The following ZNF624 variants were observed in gnomAD, a reference collection of about 807,000 sequenced individuals.
ZNF624 encodes the protein zinc finger protein 624.
A neutral mutation model predicts 74.7 loss-of-function variants in ZNF624; 43 were observed. That is an observed-to-expected ratio of 0.58 (90% confidence interval 0.45 to 0.74). The LOEUF is 0.74. ZNF624 is among the 30% of genes least tolerant of loss of function. The pLI is 0.00. For missense variants in ZNF624, 820 were observed against 1,030.0 expected (o/e 0.80, Z 2.79); for synonymous variants, 331 against 341.3 (o/e 0.97, Z 0.33).
In ZNF624 at chr17:16,622,968, A is replaced by G; in HGVS notation, c.1918T>C (p.Tyr640His). 6.2e-7 allele frequency: 1 copy of G among 1,614,052 alleles called. No homozygotes were observed. Among genetic ancestry groups the G allele is most frequent in the South Asian group, 1.1e-5 (1 of 91,072 alleles). Residue 640 changes from tyrosine to histidine, a missense_variant, in exon 6 of 6, where the codon TAT becomes CAT. Transcript: ENST00000311331. ...HQKIHTGVKP[Y>H]KCYDCGKSFR... ...GACTTTCCACAGTCATAACATTTAT[A>G]GGGTTTCACTCCAGTATGAATTTTC...
At chr17:16,630,257 G>GA (rs1043444498) in intron 5 of ZNF624, among the ~76,000 whole-genome samples, 14 of 148,592 alleles carry the variant, frequency 9.4e-5, no homozygotes, top group East Asian at 5.9e-4. Context: ...GATATTTTTA[G>GA]AAAAAAAAAA....
In ZNF624 at chr17:16,649,740, G is replaced by A; in HGVS notation, c.5C>T (p.Ser2Phe). 1 of 1,613,044 alleles carries A rather than the reference G, an allele frequency of 6.2e-7. No individual in the cohort carries two copies. The highest frequency in any genetic ancestry group is 8.5e-7 in the Non-Finnish European group (1 of 1,179,120). MSLQDSTLSREG... is the reference protein window; with the variant it reads MFLQDSTLSREG... Reference sequence around the variant, plus strand: ...TCTGGAAAGAGTGGAGTCTTGCAAAGACATACCTAAGGAAGAGAAATAAGC... The same window carrying A: ...TCTGGAAAGAGTGGAGTCTTGCAAAAACATACCTAAGGAAGAGAAATAAGC... Residue 2 changes from serine (S) to phenylalanine (F), a missense_variant, in exon 2 of 6, where the codon TCT becomes TTT. Ser to Phe is a radical substitution (Grantham distance 155). Transcript: ENST00000311331.
Position 16,623,592 on chromosome 17 carries a change from T to G in ZNF624, c.1294A>C (p.Ser432Arg). The G allele has an allele frequency of 6.2e-7, 1 of 1,612,042 alleles. No individual in the cohort carries two copies. ...TCAGTGTGGGTCTTCTGATGTACAC[T>G]AAGATATGACTTGTTCCTAAAGGCT... ...GKAFRNKSYLSVHQKTHTEEK... is the reference protein window; with the variant it reads ...GKAFRNKSYLRVHQKTHTEEK... Residue 432 changes from serine to arginine, a missense_variant, in exon 6 of 6, where the codon AGT becomes CGT. Transcript: ENST00000311331. The surrounding 1 kb of genome is among the most constrained non-coding windows in gnomAD (Gnocchi z 5.3).
At chr17:16,625,892 T>C (rs186877323) in intron 5 of ZNF624, among the ~76,000 whole-genome samples, 1 of 152,290 alleles carries the variant, frequency 6.6e-6, no homozygotes, top group East Asian at 1.9e-4. Context: ...TATGCCTCAA[T>C]ATTTAAATAT....
intron 2 of ZNF624, 108 bp downstream of exon 2, chr17:16,649,550 G>T: frequency 1.0e-6 from 1 of 961,870 alleles, no homozygotes; most frequent in Non-Finnish European, 1.6e-6. Flanking sequence ...ATTTAGTTGA[G>T]TTCCCAGAAG....
chr17:16,649,720 A>T lies in ZNF624; in HGVS notation c.25T>A (p.Ser9Thr). 1.2e-6 allele frequency: 2 copies of T among 1,614,012 alleles called. No homozygotes were observed. Among genetic ancestry groups the T allele is most frequent in the Non-Finnish European group, 1.7e-6 (2 of 1,179,882 alleles). The change falls in exon 2 of 6, where the codon TCC (serine) becomes ACC (threonine). Residue 9 changes from serine to threonine, a missense_variant. By Grantham distance (58) the Ser-to-Thr change is moderately conservative (BLOSUM62 1). Coordinates refer to ENST00000311331, the MANE Select transcript of ZNF624 (RefSeq NM_020787.4). MSLQDSTL[S>T]REGKPEGEIM... ...TCTCCCTCTGGTTTCCCCTCTCTGG[A>T]AAGAGTGGAGTCTTGCAAAGACATA... is the stretch of plus-strand genomic sequence containing the variant.
intron 3 of ZNF624, among the ~76,000 whole-genome samples, chr17:16,640,699 C>T (rs72835919): frequency 0.073 from 11,168 of 152,164 alleles, 578 homozygotes; most frequent in Middle Eastern, 0.19. Flanking sequence ...ACTCAGTGTA[C>T]AGAAAATCTG....
intron 3 of ZNF624, among the ~76,000 whole-genome samples, chr17:16,640,698 A>G (rs1909447048): frequency 6.6e-6 from 1 of 152,230 alleles, no homozygotes; most frequent in South Asian, 2.1e-4. Flanking sequence ...GACTCAGTGT[A>G]CAGAAAATCT....
chr17:16,638,700 C>T lies in ZNF624; in HGVS notation c.154-3944G>A, dbSNP rs573813620. Among the ~76,000 whole-genome samples the T allele has an allele frequency of 8.7e-5, 13 of 149,236 alleles. No individual in the cohort carries two copies. The South Asian group carries it at 1.9e-3, about 22-fold the overall frequency. On this transcript the variant is annotated intron_variant, in intron 3 of 5. Coordinates refer to ENST00000311331, the MANE Select transcript of ZNF624 (RefSeq NM_020787.4). ...ACACAGGAAGGGGAACATCACACTCCGGGGGACTGTTGTGGGGTTGGGGGA... is the reference window on the plus strand; with the variant it reads ...ACACAGGAAGGGGAACATCACACTCTGGGGGACTGTTGTGGGGTTGGGGGA...
chr17:16,618,047 T>G (rs377095663), downstream of ZNF624, among the ~76,000 whole-genome samples: 3 of 152,098 alleles, frequency 2.0e-5, no homozygotes, highest in East Asian at 5.8e-4. Flanking sequence ...ATTGAAAAAA[T>G]TGTTGCAAAA....
chr17:16,623,573 T>C lies in ZNF624; in HGVS notation c.1313A>G (p.His438Arg). The C allele has an allele frequency of 6.2e-7, 1 of 1,611,060 alleles. No homozygotes were observed. The highest frequency in any genetic ancestry group is 8.5e-7 in the Non-Finnish European group (1 of 1,179,072). The change falls in exon 6 of 6, where the codon CAC becomes CGC. Residue 438 changes from histidine to arginine, a missense_variant. Coordinates refer to ENST00000311331, the MANE Select transcript of ZNF624 (RefSeq NM_020787.4). This position sits in a 1 kb window ranked among gnomAD's most constrained non-coding sequence, Gnocchi z 5.3. ...GCACTGATATGGTTTCTCTTCAGTG[T>C]GGGTCTTCTGATGTACACTAAGATA... ...KSYLSVHQKT[H>R]TEEKPYQCNE...
In ZNF624 at chr17:16,649,326, C is replaced by T. The variant is rs1282980870; in HGVS notation, c.87+332G>A. Among the ~76,000 whole-genome samples the T allele has an allele frequency of 2.0e-5, 3 of 152,096 alleles. No individual in the cohort carries two copies. In the East Asian group the frequency reaches 5.8e-4, roughly 29 times the overall value. ...CCCATAATTTCCTATATAAAATTTT[C>T]CAATTGAAAAATATTCCATTTTGCT... On this transcript the variant is annotated intron_variant, in intron 2 of 5. Transcript: ENST00000311331.
At chr17:16,649,560 G>GGGGTGTC in intron 2 of ZNF624, 98 bp downstream of exon 2, 3 of 1,061,592 alleles carry the variant, frequency 2.8e-6, no homozygotes, top group Non-Finnish European at 4.3e-6. Context: ...GTTCCCAGAA[G>GGGGTGTC]GGGTGTCGGG....
chr17:16,629,059 G>A (rs1319302564), intron 5 of ZNF624, among the ~76,000 whole-genome samples: 1 of 151,710 alleles, frequency 6.6e-6, no homozygotes, highest in Non-Finnish European at 1.5e-5. Context: ...TTAGCTGAGC[G>A]TGGTGGCAGG....
chr17:16,618,259 A>G (rs544033638), downstream of ZNF624, among the ~76,000 whole-genome samples: 5 of 152,250 alleles, frequency 3.3e-5, no homozygotes, highest in South Asian at 1.0e-3. Context: ...GGTTGCAGTG[A>G]GCCGAGATTG....
At chr17:16,638,635 T>C (rs1277272577) in intron 3 of ZNF624, among the ~76,000 whole-genome samples, 1 of 152,070 alleles carries the variant, frequency 6.6e-6, no homozygotes, top group African/African-American at 2.4e-5. Flanking sequence ...CACTGAATGT[T>C]CTCACTCATA....
intron 5 of ZNF624, among the ~76,000 whole-genome samples, chr17:16,633,100 C>T (rs891181060): frequency 6.6e-6 from 1 of 152,198 alleles, no homozygotes; most frequent in African/African-American, 2.4e-5. Flanking sequence ...GTGTCCTCAT[C>T]CCACCCCAGT....
chr17:16,614,636 T>C, the ZNF624 span, among the ~76,000 whole-genome samples: 1 of 152,062 alleles, frequency 6.6e-6, no homozygotes, highest in Non-Finnish European at 1.5e-5. Flanking sequence ...TTACCCACAC[T>C]CTTCCAGAGG....
In ZNF624 at chr17:16,639,783, A is replaced by C. The variant is rs1909423926; in HGVS notation, c.154-5027T>G. ...TCCAGGAAAGTTTCTAAACAAAGCAACAGCACCAGCAACAACTGCAACAAC... is the reference window on the plus strand; with the variant it reads ...TCCAGGAAAGTTTCTAAACAAAGCACCAGCACCAGCAACAACTGCAACAAC... On this transcript the variant is annotated intron_variant, in intron 3 of 5. Transcript: ENST00000311331. Among the ~76,000 whole-genome samples the C allele has an allele frequency of 2.0e-5, 3 of 152,234 alleles. 1 individual carries two copies. Among genetic ancestry groups the C allele is most frequent in the Admixed American group, 2.0e-4 (3 of 15,286 alleles).
Sources: gnomAD v4.1 joint callset for allele counts (sites outside exome capture counted in the v4.1 genomes callset) on GRCh38, gnomAD v4.1.1 for gene constraint, Gnocchi (gnomAD v3.1) non-coding constraint, MANE v1.5 for transcripts, NCBI Gene and HGNC (gene_info 2026-07-23, HGNC 2026-07-21) for gene names.